The following METTL22 variants were observed in gnomAD, a reference collection of about 807,000 sequenced individuals.
METTL22 encodes the protein methyltransferase 22, Kin17 lysine.
METTL22 carries 51 observed loss-of-function variants against 48.4 expected under a neutral mutation model. That is an observed-to-expected ratio of 1.05 (90% CI 0.84 to 1.33). The LOEUF is 1.33. Ranked by LOEUF, METTL22 falls within the 40% of genes most tolerant of loss-of-function variation. METTL22 has a pLI of 0.00. For synonymous variants in METTL22, 255 were observed against 214.1 expected (o/e 1.19, Z -1.67); for missense variants, 678 against 526.9 (o/e 1.29, Z -2.81).
chr16:8,624,197 A>G (rs774493730), intron 1 of METTL22: 3 of 152,172 alleles, frequency 2.0e-5, no homozygotes, highest in East Asian at 3.9e-4. Context: ...ATGCTTTTTG[A>G]TTAGGTGAAA....
rs1349981820 is a variant in METTL22, at chr16:8,625,515, C to T, written c.-151C>T. The T allele has an allele frequency of 1.8e-6, 1 of 555,038 alleles. No individual in the cohort carries two copies. The highest frequency in any genetic ancestry group is 3.0e-6 in the Non-Finnish European group (1 of 334,344). 34.4% of individuals were successfully genotyped at this position (555,038 alleles called of 1,614,324 possible). A position where few individuals can be genotyped will look rare whatever the true frequency, so the allele number is the denominator to read the frequency against. The stretch of plus-strand genomic sequence containing the variant: ...TTCCAGCTGGATTCTCTTCCCTGGC[C>T]AAGTCTCTGAGATCTTCTCCCAGGG... On this transcript the variant is annotated 5_prime_UTR_variant, in exon 2 of 11. Coordinates refer to ENST00000381920, the MANE Select transcript of METTL22 (RefSeq NM_024109.4).
Position 8,646,266 on chromosome 16 carries a change from C to A in METTL22, c.*123C>A. On this transcript the variant is annotated 3_prime_UTR_variant, in exon 11 of 11. Coordinates refer to ENST00000381920, the MANE Select transcript of METTL22 (RefSeq NM_024109.4). Reference sequence around the variant, plus strand: ...ATTTTAAAAATATGGTTACACGTACCTTAGATGACCCAAGATGGTTTTCTG... The same window carrying A: ...ATTTTAAAAATATGGTTACACGTACATTAGATGACCCAAGATGGTTTTCTG... 2 of 1,232,604 alleles carry A rather than the reference C, an allele frequency of 1.6e-6. No individual in the cohort carries two copies. The highest frequency in any genetic ancestry group is 2.3e-6 in the Non-Finnish European group (2 of 854,806). 76.4% of individuals were successfully genotyped at this position (1,232,604 alleles called of 1,614,324 possible). A position where few individuals can be genotyped will look rare whatever the true frequency, so the allele number is the denominator to read the frequency against.
At chr16:8,659,096 C>T in the METTL22 span, among the ~76,000 whole-genome samples, 1 of 152,040 alleles carries the variant, frequency 6.6e-6, no homozygotes, top group Non-Finnish European at 1.5e-5. Flanking sequence ...TTTGGGAGGC[C>T]AAGGTGGGCA....
intron 3 of METTL22, among the ~76,000 whole-genome samples, chr16:8,633,069 C>G (rs1297542715): frequency 1.3e-5 from 2 of 152,128 alleles, no homozygotes; most frequent in Non-Finnish European, 2.9e-5. Flanking sequence ...CTACGAGCCA[C>G]ACCCAGGAGA....
chr16:8,645,915 G>T, intron 10 of METTL22, 193 bp from the exon 11 acceptor site: 1 of 949,728 alleles, frequency 1.1e-6, no homozygotes, highest in Non-Finnish European at 1.2e-6. Context: ...CAGCCTCTCT[G>T]CCACAGTAAA....
downstream of METTL22, among the ~76,000 whole-genome samples, chr16:8,650,461 G>T (rs1197840162): frequency 6.6e-6 from 1 of 152,254 alleles, no homozygotes. Flanking sequence ...CTGTAAAATA[G>T]TAAAACTTCT....
chr16:8,657,581 C>T, the METTL22 span, among the ~76,000 whole-genome samples: 3 of 152,080 alleles, frequency 2.0e-5, no homozygotes, highest in East Asian at 1.9e-4. Context: ...TTCAGTCAGT[C>T]CTGAGAAACT....
chr16:8,621,723 A>G lies in METTL22; in HGVS notation c.-223A>G, dbSNP rs906887055. On this transcript the variant is annotated 5_prime_UTR_variant, in exon 1 of 11. It removes the in-frame stop codon of an upstream open reading frame in the 5' UTR. Coordinates refer to ENST00000381920, the MANE Select transcript of METTL22 (RefSeq NM_024109.4). ...AGACCGCCTGTTATGGCGGCCGCCT[A>G]AGTCCCACAGAGACGGGAGTCGGGT... 1.3e-5 allele frequency: 2 copies of G among 152,270 alleles called. No individual in the cohort carries two copies. The highest frequency in any genetic ancestry group is 4.8e-5 in the African/African-American group (2 of 41,456). The allele number at this position is 152,270 out of a possible 1,614,324, so 9.4% of individuals were successfully genotyped here. A position where few individuals can be genotyped will look rare whatever the true frequency, so the allele number is the denominator to read the frequency against.
intron 2 of METTL22, among the ~76,000 whole-genome samples, chr16:8,626,244 C>G (rs544128455): frequency 7.9e-5 from 12 of 152,286 alleles, no homozygotes; most frequent in African/African-American, 2.9e-4. Flanking sequence ...CCACCTTAGC[C>G]TCTTGAGTCC....
the METTL22 span, among the ~76,000 whole-genome samples, chr16:8,657,824 C>CTTTTCTTTTTTTTTTTTTCTTTT: frequency 7.3e-6 from 1 of 137,434 alleles, no homozygotes; most frequent in African/African-American, 2.9e-5. Flanking sequence ...TCTTTTCTTT[C>CTTTTCTTTTTTTTTTTTTCTTTT]TTTTTTTTTT....
chr16:8,640,942 ATGGGTGGG>A (rs1224804893), intron 6 of METTL22, among the ~76,000 whole-genome samples, 181 bp from the exon 7 acceptor site: 9 of 43,674 alleles, frequency 2.1e-4, no homozygotes, highest in African/African-American at 8.4e-4. Flanking sequence ...GGATGGATGG[ATGGGTGGG>A]TGGATGGCTG....
At position 8,641,647 on chromosome 16, in the gene METTL22, T is replaced by C. The variant is rs868283700; in HGVS notation, c.826+463T>C. 8.7e-4 allele frequency: 327 copies of C among 374,428 alleles called. 3 individuals carry two copies. The highest frequency in any genetic ancestry group is 4.7e-3 in the Middle Eastern group (5 of 1,072). The allele number at this position is 374,428 out of a possible 1,614,324, so 23.2% of individuals were successfully genotyped here. A position where few individuals can be genotyped will look rare whatever the true frequency, so the allele number is the denominator to read the frequency against. On this transcript the variant is annotated intron_variant, in intron 7 of 10. Transcript: ENST00000381920. ...TCTTTCTTTGTATAAAGATGTCTTT[T>C]TTTTTTTCCCTGTCAGATGGCAGAT... is the stretch of plus-strand genomic sequence containing the variant.
Position 8,625,509 on chromosome 16 carries a change from C to T in METTL22, c.-157C>T. On this transcript the variant is annotated 5_prime_UTR_variant, in exon 2 of 11. Coordinates refer to ENST00000381920, the MANE Select transcript of METTL22 (RefSeq NM_024109.4). ...ATTAATTTCCAGCTGGATTCTCTTC[C>T]CTGGCCAAGTCTCTGAGATCTTCTC... 1.9e-6 allele frequency: 1 copy of T among 525,972 alleles called. No individual in the cohort carries two copies. The allele number at this position is 525,972 out of a possible 1,614,324, so 32.6% of individuals were successfully genotyped here. A position where few individuals can be genotyped will look rare whatever the true frequency, so the allele number is the denominator to read the frequency against.
Position 8,642,596 on chromosome 16 carries a change from C to T in METTL22, c.1010+31C>T, listed in dbSNP as rs372870338. The T allele has an allele frequency of 6.9e-6, 11 of 1,595,060 alleles. No homozygotes were observed. In the African/African-American group the frequency reaches 1.1e-4, roughly 16 times the overall value. On this transcript the variant is annotated intron_variant, in intron 9 of 10. Transcript: ENST00000381920. Reference sequence around the variant, plus strand: ...CTTTGCGCCACGGGAACCGTGCTGACGTCCCGAGTGTCAGCGGAACTCTCA... The same window carrying T: ...CTTTGCGCCACGGGAACCGTGCTGATGTCCCGAGTGTCAGCGGAACTCTCA...
chr16:8,654,001 G>A (rs1371291834), downstream of METTL22, among the ~76,000 whole-genome samples: 4 of 152,262 alleles, frequency 2.6e-5, no homozygotes, highest in East Asian at 7.7e-4. Flanking sequence ...TCCAGACTGG[G>A]TGTCAGAGCA....
the METTL22 span, among the ~76,000 whole-genome samples, chr16:8,659,321 G>GA: frequency 2.3e-3 from 297 of 126,970 alleles, no homozygotes; most frequent in Middle Eastern, 4.1e-3. Flanking sequence ...ACAGAATGAG[G>GA]AAAAAAAAAA....
the METTL22 span, among the ~76,000 whole-genome samples, chr16:8,656,000 G>A: frequency 1.3e-5 from 2 of 152,206 alleles, no homozygotes; most frequent in Non-Finnish European, 2.9e-5. Flanking sequence ...TTCTCCTGAT[G>A]ACCACATCTT....
chr16:8,625,499 G>T lies in METTL22; in HGVS notation c.-167G>T, dbSNP rs145830971. On this transcript the variant is annotated 5_prime_UTR_variant, in exon 2 of 11. Coordinates refer to ENST00000381920, the MANE Select transcript of METTL22 (RefSeq NM_024109.4). ...AAAATAACGCATTAATTTCCAGCTG[G>T]ATTCTCTTCCCTGGCCAAGTCTCTG... 1,427 of 489,086 alleles carry T rather than the reference G, an allele frequency of 2.9e-3. 28 individuals are homozygous for T. The highest frequency in any genetic ancestry group is 0.028 in the Admixed American group (754 of 26,524). The allele number at this position is 489,086 out of a possible 1,614,324, so 30.3% of individuals were successfully genotyped here. A position where few individuals can be genotyped will look rare whatever the true frequency, so the allele number is the denominator to read the frequency against.
chr16:8,644,931 G>A (rs192652556), intron 10 of METTL22: 116 of 490,416 alleles, frequency 2.4e-4, no homozygotes, highest in African/African-American at 2.1e-3. Context: ...GTCTGGAGAC[G>A]GGCCTACAGG....
Sources: gnomAD v4.1 joint callset for allele counts (sites outside exome capture counted in the v4.1 genomes callset) on GRCh38, gnomAD v4.1.1 for gene constraint, MANE v1.5 for transcripts, NCBI Gene and HGNC (gene_info 2026-07-23, HGNC 2026-07-21) for gene names.